The following ZDHHC15 variants were observed in gnomAD, a reference collection of about 807,000 sequenced individuals.
The protein encoded by ZDHHC15 is zDHHC palmitoyltransferase 15.
A neutral mutation model predicts 31.7 loss-of-function variants in ZDHHC15; 19 were observed. The observed-to-expected ratio is 0.60, with a 90% CI of 0.42 to 0.88. The LOEUF (loss-of-function observed/expected upper bound fraction) is 0.88. ZDHHC15 is among the 40% of genes least tolerant of loss of function. The pLI, the probability that ZDHHC15 is intolerant of heterozygous loss-of-function variation, is 0.00. For synonymous variants in ZDHHC15, 103 were observed against 90.0 expected (o/e 1.14, Z -0.82); for missense variants, 209 against 251.2 (o/e 0.83, Z 1.14).
intron 2 of ZDHHC15, among the ~76,000 whole-genome samples, chrX:75,491,787 G>C (rs1207674206): frequency 1.8e-5 from 2 of 110,934 alleles, no homozygotes; most frequent in Non-Finnish European, 3.8e-5. Context: ...AGCTCCTGAA[G>C]GAAGCGCTAA....
At chrX:75,479,562 T>C (rs1602698813) in intron 2 of ZDHHC15, among the ~76,000 whole-genome samples, 2 of 111,669 alleles carry the variant, frequency 1.8e-5, no homozygotes, top group African/African-American at 3.2e-5. Context: ...GTTACATGCA[T>C]AGGTTGCACA....
rs753280760 is a variant in ZDHHC15 at position 75,441,454 on chromosome X, T to C, written c.379+9348A>G. Among the ~76,000 whole-genome samples the C allele has an allele frequency of 5.4e-5, 6 of 111,243 alleles. No homozygotes were observed. The East Asian group carries it at 1.7e-3, about 32-fold the overall frequency. Reference sequence around the variant, plus strand: ...AAATCCTTTTCCCACAATCAGAATTTTTAGATTCCCCAGTGGGGATGCATG... The same window carrying C: ...AAATCCTTTTCCCACAATCAGAATTCTTAGATTCCCCAGTGGGGATGCATG... On this transcript the variant is annotated intron_variant, in intron 4 of 11. Transcript: ENST00000373367.
At chrX:75,484,576 T>C (rs2084748040) in intron 2 of ZDHHC15, among the ~76,000 whole-genome samples, 1 of 111,473 alleles carries the variant, frequency 9.0e-6, no homozygotes, top group Non-Finnish European at 1.9e-5. Context: ...TAAATGATAA[T>C]GAAGATGTGG....
Position 75,371,059 on chromosome X carries a change from G to A in ZDHHC15, c.*1919C>T, listed in dbSNP as rs944795796. 9.0e-6 allele frequency: 1 copy of A among 111,649 alleles called. No homozygotes were observed. The highest frequency in any genetic ancestry group is 1.9e-5 in the Non-Finnish European group (1 of 53,217). The allele number at this position is 111,649 out of a possible 1,213,427, so 9.2% of individuals were successfully genotyped here. A position where few individuals can be genotyped will look rare whatever the true frequency, so the allele number is the denominator to read the frequency against. On this transcript the variant is annotated 3_prime_UTR_variant, in exon 12 of 12. Coordinates refer to ENST00000373367, the MANE Select transcript of ZDHHC15 (RefSeq NM_144969.3). ...CAGTTAACAGCTGCTCTGCCTGAAT[G>A]CTTGGCAGAAGATGATTGATGGGAA...
At chrX:75,504,336 C>A (rs1305280891) in intron 2 of ZDHHC15, among the ~76,000 whole-genome samples, 1 of 111,617 alleles carries the variant, frequency 9.0e-6, no homozygotes, top group Admixed American at 9.6e-5. Context: ...TTCTTACTGG[C>A]AGTCATATAC....
chrX:75,450,362 G>A (rs1257200498), intron 4 of ZDHHC15, among the ~76,000 whole-genome samples: 1 of 111,605 alleles, frequency 9.0e-6, no homozygotes, highest in African/African-American at 3.2e-5. Context: ...TTACACAGAT[G>A]TGTACACTTT....
At chrX:75,492,734 G>A (rs1365867930) in intron 2 of ZDHHC15, among the ~76,000 whole-genome samples, 13 of 111,682 alleles carry the variant, frequency 1.2e-4, no homozygotes, top group African/African-American at 4.2e-4. Context: ...TGAAACCAAT[G>A]AGAACAAAGA....
chrX:75,429,245 G>C, intron 6 of ZDHHC15, 47 bp from the exon 7 acceptor site: 2 of 1,167,815 alleles, frequency 1.7e-6, no homozygotes, highest in Non-Finnish European at 2.3e-6. Context: ...TCTTGATTGA[G>C]AGCACACTGA....
rs769359757 is a variant in ZDHHC15 at position 75,497,677 on chromosome X, G to A, written c.163+8144C>T. On this transcript the variant is annotated intron_variant, in intron 2 of 11. Transcript: ENST00000373367. ...AGGATGCAGGGCTAGTTTAACATAC[G>A]CAAGCAATAAATATGATACACCATA... is the stretch of plus-strand genomic sequence containing the variant. 5.4e-5 allele frequency among the ~76,000 whole-genome samples: 6 copies of A among 111,409 alleles called. No individual in the cohort carries two copies. The East Asian group carries it at 8.5e-4, about 16-fold the overall frequency.
At chrX:75,447,084 T>A (rs184022294) in intron 4 of ZDHHC15, among the ~76,000 whole-genome samples, 1 of 111,738 alleles carries the variant, frequency 8.9e-6, no homozygotes, top group African/African-American at 3.3e-5. Flanking sequence ...GTTACATGGC[T>A]CAGCAATATT....
At chrX:75,466,796 G>A (rs1168234513) in intron 3 of ZDHHC15, among the ~76,000 whole-genome samples, 3 of 107,624 alleles carry the variant, frequency 2.8e-5, no homozygotes, top group African/African-American at 1.0e-4. Context: ...CACAGGAACA[G>A]ATAACCAAAC....
At chrX:75,411,093 GGAGGA>G (rs2083479971) in intron 10 of ZDHHC15, among the ~76,000 whole-genome samples, 1 of 112,019 alleles carries the variant, frequency 8.9e-6, no homozygotes, top group Non-Finnish European at 1.9e-5. Flanking sequence ...GGAAGATTAG[GGAGGA>G]GAGGAGAATA....
intron 2 of ZDHHC15, among the ~76,000 whole-genome samples, chrX:75,494,672 G>A (rs750141393): frequency 5.0e-4 from 56 of 112,013 alleles, no homozygotes; most frequent in African/African-American, 1.7e-3. Flanking sequence ...GACAAAAACA[G>A]GAAATTGGAA....
intron 10 of ZDHHC15, among the ~76,000 whole-genome samples, chrX:75,404,646 T>A (rs1293926958): frequency 8.9e-6 from 1 of 111,958 alleles, no homozygotes; most frequent in Non-Finnish European, 1.9e-5. Context: ...TCACTGATCA[T>A]TAGAGAAATG....
intron 10 of ZDHHC15, among the ~76,000 whole-genome samples, chrX:75,391,494 C>T (rs1174980836): frequency 8.9e-6 from 1 of 111,810 alleles, no homozygotes; most frequent in Non-Finnish European, 1.9e-5. Context: ...TACAATGGCA[C>T]TTCAACATAT....
At chrX:75,409,232 C>G (rs954165494) in intron 10 of ZDHHC15, among the ~76,000 whole-genome samples, 3 of 111,813 alleles carry the variant, frequency 2.7e-5, no homozygotes, top group African/African-American at 3.3e-5. Flanking sequence ...TGGCTCATGC[C>G]TGTAATCCCA....
At chrX:75,513,024 A>G (rs2087555619) in intron 1 of ZDHHC15, among the ~76,000 whole-genome samples, 1 of 101,580 alleles carries the variant, frequency 9.8e-6, no homozygotes, top group Non-Finnish European at 2.0e-5. Context: ...ACCTGAGAAA[A>G]ACAAGCAATG....
chrX:75,423,473 C>A (rs896033332), intron 8 of ZDHHC15, among the ~76,000 whole-genome samples: 3 of 105,736 alleles, frequency 2.8e-5, no homozygotes, highest in African/African-American at 1.0e-4. Flanking sequence ...TGAGTTAGTT[C>A]ACTTAGGATA....
chrX:75,486,239 G>T (rs1299090472), intron 2 of ZDHHC15, among the ~76,000 whole-genome samples: 1 of 111,765 alleles, frequency 8.9e-6, no homozygotes, highest in African/African-American at 3.3e-5. Context: ...AGGGAGCCAA[G>T]CAAAATATAA....
Sources: allele counts gnomAD v4.1 joint callset (sites outside exome capture counted in the v4.1 genomes callset), GRCh38; gene constraint gnomAD v4.1.1; transcripts MANE v1.5; gene names NCBI Gene and HGNC (gene_info 2026-07-23, HGNC 2026-07-21).